Variants in PHLPP1 observed in about 807,000 individuals in gnomAD.
PHLPP1 encodes the protein PH domain and leucine rich repeat protein phosphatase 1.
PHLPP1 carries 42 observed loss-of-function variants against 117.2 expected under a neutral mutation model. That is an observed-to-expected ratio of 0.36 (90% CI 0.28 to 0.46). PHLPP1 has a LOEUF of 0.46. PHLPP1 is among the 20% of genes least tolerant of loss of function. The probability of loss-of-function intolerance (pLI) is 1.00; values close to 1 mark genes in which losing one functional copy is unlikely to be tolerated. For synonymous variants in PHLPP1, 1,042 were observed against 970.7 expected (o/e 1.07, Z -1.37); for missense variants, 2,084 against 2,241.9 (o/e 0.93, Z 1.42).
At chr18:62,917,195 CATATTATATATTTATATATT>C (rs895126245) in intron 9 of PHLPP1, among the ~76,000 whole-genome samples, 1 of 147,370 alleles carries the variant, frequency 6.8e-6, no homozygotes, top group African/African-American at 2.5e-5. Context: ...TATACATTAA[CATATTATATATTTATATATT>C]ATATATTTAT....
chr18:62,954,938 C>T (rs1910570415), intron 12 of PHLPP1, among the ~76,000 whole-genome samples: 1 of 152,198 alleles, frequency 6.6e-6, no homozygotes, highest in African/African-American at 2.4e-5. Context: ...TGAACATCTA[C>T]ACTTTCCAGT....
chr18:62,811,595 G>C (rs1914122219), intron 1 of PHLPP1, among the ~76,000 whole-genome samples: 1 of 150,200 alleles, frequency 6.7e-6, no homozygotes, highest in Admixed American at 6.6e-5. Flanking sequence ...TAATGGGGCT[G>C]TATTTATAGT....
intron 1 of PHLPP1, among the ~76,000 whole-genome samples, chr18:62,747,550 T>C (rs892438218): frequency 2.0e-5 from 3 of 151,760 alleles, no homozygotes; most frequent in African/African-American, 7.3e-5. Flanking sequence ...TTCAACAGGG[T>C]CTCCATGTGT....
intron 1 of PHLPP1, among the ~76,000 whole-genome samples, chr18:62,806,263 A>G (rs895292137): frequency 6.6e-6 from 1 of 152,142 alleles, no homozygotes; most frequent in African/African-American, 2.4e-5. Flanking sequence ...AGCAATTTCT[A>G]TTACTTGACT....
At chr18:62,944,473 G>A (rs1262792715) in intron 11 of PHLPP1, among the ~76,000 whole-genome samples, 3 of 152,128 alleles carry the variant, frequency 2.0e-5, no homozygotes, top group Non-Finnish European at 4.4e-5. Context: ...TTCCTTCTTG[G>A]TAGATGTTTA....
intron 12 of PHLPP1, among the ~76,000 whole-genome samples, chr18:62,949,244 C>T (rs1461406726): frequency 2.0e-5 from 3 of 152,164 alleles, no homozygotes; most frequent in Non-Finnish European, 4.4e-5. Context: ...GCATTGCTAT[C>T]TTTTCAGACA....
intron 4 of PHLPP1, among the ~76,000 whole-genome samples, chr18:62,879,273 C>T (rs189320532): frequency 6.6e-6 from 1 of 152,234 alleles, no homozygotes; most frequent in African/African-American, 2.4e-5. Context: ...GCTCTTACTG[C>T]TCTTCTGCCA....
At chr18:62,856,177 G>C (rs567576548) in intron 3 of PHLPP1, among the ~76,000 whole-genome samples, 161 of 152,242 alleles carry the variant, frequency 1.1e-3, no homozygotes, top group Middle Eastern at 3.4e-3. Flanking sequence ...TTTGATACCT[G>C]CTGGGGTCCA....
At chr18:62,884,266 G>A (rs1916232889) in intron 4 of PHLPP1, among the ~76,000 whole-genome samples, 1 of 152,224 alleles carries the variant, frequency 6.6e-6, no homozygotes, top group Non-Finnish European at 1.5e-5. Flanking sequence ...TTATGCAGCT[G>A]TAAGGAGGAA....
chr18:62,844,640 T>C (rs1222632180), intron 3 of PHLPP1, among the ~76,000 whole-genome samples: 1 of 152,186 alleles, frequency 6.6e-6, no homozygotes, highest in Non-Finnish European at 1.5e-5. Context: ...TGTGTATAAC[T>C]CTAGAAGATG....
chr18:62,979,072 G>C lies in PHLPP1; in HGVS notation c.4795G>C (p.Ala1599Pro). 6.2e-7 allele frequency: 1 copy of C among 1,613,830 alleles called. No homozygotes were observed. Among genetic ancestry groups the C allele is most frequent in the South Asian group, 1.1e-5 (1 of 91,030 alleles). Residue 1599 changes from alanine to proline, a missense_variant, in exon 17 of 17, where the codon GCC becomes CCC. This residue lies in a region of PHLPP1 where 1,365 missense variants were observed against 1,605.9 expected (regional missense o/e 0.85). Transcript: ENST00000262719. Reference protein sequence around the residue: ...EASDEGIVISANEDEPGLPRK... With the variant: ...EASDEGIVISPNEDEPGLPRK... ...CAGTGATGAGGGCATTGTCATCAGC[G>C]CCAACGAGGATGAGCCAGGTCTGCC...
At chr18:62,964,337 A>G (rs1910848713) in intron 14 of PHLPP1, among the ~76,000 whole-genome samples, 1 of 152,180 alleles carries the variant, frequency 6.6e-6, no homozygotes, top group African/African-American at 2.4e-5. Context: ...AATGTTTTAA[A>G]ATCTCCCCCA....
intron 1 of PHLPP1, among the ~76,000 whole-genome samples, chr18:62,811,957 A>C (rs1200733395): frequency 6.6e-6 from 1 of 152,182 alleles, no homozygotes; most frequent in Non-Finnish European, 1.5e-5. Context: ...AGTTTTTAGG[A>C]AATTGTTTTG....
intron 10 of PHLPP1, among the ~76,000 whole-genome samples, chr18:62,920,554 G>C (rs1909428809): frequency 6.6e-6 from 1 of 152,028 alleles, no homozygotes; most frequent in South Asian, 2.1e-4. Context: ...GTTGTTGGTG[G>C]TGTTTTTTGT....
At chr18:62,892,724 A>G (rs187946987) in intron 4 of PHLPP1, among the ~76,000 whole-genome samples, 47 of 151,662 alleles carry the variant, frequency 3.1e-4, no homozygotes, top group Admixed American at 2.8e-3. Context: ...AAAATACAAA[A>G]AATTAGCCAG....
intron 1 of PHLPP1, among the ~76,000 whole-genome samples, chr18:62,828,008 TTGTGTGTG>T (rs34088259): frequency 3.8e-4 from 56 of 146,754 alleles, no homozygotes; most frequent in South Asian, 2.9e-3. Flanking sequence ...TTCTTTGCAT[TTGTGTGTG>T]TGTGTGTGTG....
At chr18:62,729,979 G>A (rs1210662546) in intron 1 of PHLPP1, among the ~76,000 whole-genome samples, 1 of 152,146 alleles carries the variant, frequency 6.6e-6, no homozygotes, top group African/African-American at 2.4e-5. Flanking sequence ...TATGAGGTAG[G>A]TTATCACCCC....
chr18:62,937,724 A>T (rs1910015837), intron 10 of PHLPP1, among the ~76,000 whole-genome samples: 1 of 152,216 alleles, frequency 6.6e-6, no homozygotes, highest in Non-Finnish European at 1.5e-5. Flanking sequence ...TGAGATAGAA[A>T]ATAGTGGCCA....
At chr18:62,850,160 C>T (rs1915305593) in intron 3 of PHLPP1, among the ~76,000 whole-genome samples, 1 of 150,690 alleles carries the variant, frequency 6.6e-6, no homozygotes, top group South Asian at 2.1e-4. Flanking sequence ...GAGGCCGAGG[C>T]AGGTGGATCA....
Sources: allele counts gnomAD v4.1 joint callset (sites outside exome capture counted in the v4.1 genomes callset), GRCh38; gene constraint gnomAD v4.1.1; regional missense constraint gnomAD v4.1.1; transcripts MANE v1.5; gene names NCBI Gene and HGNC (gene_info 2026-07-23, HGNC 2026-07-21).